The following NIPBL variants were observed in gnomAD, a reference collection of about 807,000 sequenced individuals.
NIPBL encodes nipped-B-like protein.
A neutral mutation model predicts 321.8 loss-of-function variants in NIPBL; 19 were observed. The ratio of observed to expected loss-of-function variants is 0.06; its 90% CI spans 0.04 to 0.09. The LOEUF (loss-of-function observed/expected upper bound fraction) is 0.09, where lower values mean the gene tolerates loss of function less well. NIPBL is among the 10% of genes least tolerant of loss of function. The pLI, the probability that NIPBL is intolerant of heterozygous loss-of-function variation, is 1.00. For missense variants in NIPBL, 2,210 were observed against 3,327.0 expected (o/e 0.66, Z 8.26); for synonymous variants, 1,106 against 1,114.1 (o/e 0.99, Z 0.14).
At chr5:36,940,536 C>T (rs960878174) in intron 1 of NIPBL, among the ~76,000 whole-genome samples, 2 of 152,240 alleles carry the variant, frequency 1.3e-5, no homozygotes, top group African/African-American at 4.8e-5. Flanking sequence ...TTTCTTCTTC[C>T]GCCTTTGCCT....
At chr5:36,968,077 C>T (rs1170332131) in intron 6 of NIPBL, among the ~76,000 whole-genome samples, 1 of 118,190 alleles carries the variant, frequency 8.5e-6, no homozygotes, top group Non-Finnish European at 1.6e-5. Flanking sequence ...GCCTGGACAA[C>T]AGAGTGAGAC....
At position 37,018,608 on chromosome 5, in the gene NIPBL, A is replaced by G. The variant is rs529920872; in HGVS notation, c.4921-703A>G. Reference sequence around the variant, plus strand: ...ATCTAGTTACTGGATGACTTTCTGTATTTCTTAAAGTGGGCCTGGAACCTC... The same window carrying G: ...ATCTAGTTACTGGATGACTTTCTGTGTTTCTTAAAGTGGGCCTGGAACCTC... On this transcript the variant is annotated intron_variant, in intron 24 of 46. Coordinates refer to ENST00000282516, the MANE Select transcript of NIPBL (RefSeq NM_133433.4). 5.3e-5 allele frequency among the ~76,000 whole-genome samples: 8 copies of G among 152,180 alleles called. No individual in the cohort carries two copies. In the East Asian group the frequency reaches 1.5e-3, roughly 29 times the overall value.
At chr5:36,953,524 A>G (rs1227845569) in intron 1 of NIPBL, 94 bp from the exon 2 acceptor site, 1 of 639,536 alleles carries the variant, frequency 1.6e-6, no homozygotes, top group Non-Finnish European at 2.8e-6. Flanking sequence ...AACAAACCAA[A>G]GCAGTAACTT....
intron 1 of NIPBL, among the ~76,000 whole-genome samples, chr5:36,946,997 T>C (rs2149589432): frequency 6.6e-6 from 1 of 152,256 alleles, no homozygotes; most frequent in Non-Finnish European, 1.5e-5. Flanking sequence ...GCTGCCTGTT[T>C]AGCTGTAGAG....
intron 1 of NIPBL, among the ~76,000 whole-genome samples, chr5:36,924,250 T>A (rs1662589871): frequency 6.6e-6 from 1 of 152,208 alleles, no homozygotes; most frequent in African/African-American, 2.4e-5. Context: ...TAAATATAAC[T>A]GTTTAATAAA....
At chr5:37,005,928 CTAAG>C (rs1167475353) in intron 16 of NIPBL, among the ~76,000 whole-genome samples, 3 of 152,068 alleles carry the variant, frequency 2.0e-5, no homozygotes, top group South Asian at 2.1e-4. Flanking sequence ...AATTTTAGTA[CTAAG>C]TAAGATTTTA....
chr5:37,060,929 A>G lies in NIPBL; in HGVS notation c.7771A>G (p.Lys2591Glu). The G allele has an allele frequency of 6.2e-7, 1 of 1,614,156 alleles. No homozygotes were observed. Among genetic ancestry groups the G allele is most frequent in the Non-Finnish European group, 8.5e-7 (1 of 1,179,996 alleles). ...AAAAACAGGAGTTCATTTTCATCCA[A>G]AACAAACACTGGACTTCCTGCGGAG... ...NRKTGVHFHP[K>E]QTLDFLRSDM... The change falls in exon 45 of 47, where the codon AAA (lysine) becomes GAA (glutamate). Residue 2591 changes from lysine (K) to glutamate (E), a missense_variant. By Grantham distance (56) the Lys-to-Glu change is moderately conservative. Transcript: ENST00000282516.
rs1428740015 is a variant in NIPBL at position 36,976,008 on chromosome 5, T to G, written c.1101T>G (p.Ser367=). ...KLTLRLSRVR[S]SDMDQQEDMI... is the part of the protein sequence containing the mutation. The stretch of plus-strand genomic sequence containing the variant: ...CATTAAGACTTTCTCGTGTAAGGTC[T>G]TCAGACATGGACCAGCAAGAGGATA... Residue 367 remains serine, a synonymous_variant, in exon 9 of 47, where the codon TCT becomes TCG. Transcript: ENST00000282516. The G allele has an allele frequency of 6.2e-7, 1 of 1,614,094 alleles. No homozygotes were observed. The highest frequency in any genetic ancestry group is 1.7e-5 in the Admixed American group (1 of 59,994).
intron 16 of NIPBL, among the ~76,000 whole-genome samples, chr5:37,004,855 C>T (rs1019218607): frequency 2.0e-5 from 3 of 152,066 alleles, no homozygotes; most frequent in South Asian, 2.1e-4. Flanking sequence ...CTCATGTATA[C>T]GTATGTAGTA....
intron 36 of NIPBL, 68 bp from the exon 37 acceptor site, chr5:37,045,375 G>T: frequency 8.2e-7 from 1 of 1,222,902 alleles, no homozygotes; most frequent in Non-Finnish European, 1.2e-6. Context: ...TAATTCATTA[G>T]TAGTAATTAC....
At chr5:36,928,394 C>T (rs1749524662) in intron 1 of NIPBL, among the ~76,000 whole-genome samples, 1 of 152,126 alleles carries the variant, frequency 6.6e-6, no homozygotes, top group South Asian at 2.1e-4. Flanking sequence ...TTTGTTTTTG[C>T]ATTCCCAGAA....
chr5:37,013,014 G>A (rs768720367), intron 21 of NIPBL, among the ~76,000 whole-genome samples: 1 of 152,156 alleles, frequency 6.6e-6, no homozygotes, highest in Non-Finnish European at 1.5e-5. Flanking sequence ...GCCGGGCAGA[G>A]GCGCCCCTCA....
intron 1 of NIPBL, among the ~76,000 whole-genome samples, chr5:36,931,223 T>A (rs909438887): frequency 4.6e-5 from 7 of 152,152 alleles, no homozygotes; most frequent in Non-Finnish European, 1.0e-4. Context: ...TCTTGTTGAG[T>A]CTGTTCTGGT....
Position 36,921,051 on chromosome 5 carries a change from C to T in NIPBL, c.-79-32567C>T, listed in dbSNP as rs111714825. On this transcript the variant is annotated intron_variant, in intron 1 of 46. Coordinates refer to ENST00000282516, the MANE Select transcript of NIPBL (RefSeq NM_133433.4). ...AAAAAACTTCAGATTACCTTATTCT[C>T]TCCTCAATACCAAATAATATACTCT... Among the ~76,000 whole-genome samples, 40 of 152,160 alleles carry T rather than the reference C, an allele frequency of 2.6e-4. 1 individual carries two copies. Among genetic ancestry groups the T allele is most frequent in the African/African-American group, 9.6e-4 (40 of 41,542 alleles).
chr5:36,970,849 AC>A, intron 6 of NIPBL, 26 bp from the exon 7 acceptor site: 1 of 1,594,962 alleles, frequency 6.3e-7, no homozygotes, highest in African/African-American at 1.3e-5. Context: ...CTTTTATTAA[AC>A]CTTTTTTTAT....
rs2303160 is a variant in NIPBL, at chr5:37,057,039, C to G, written c.7264-147C>G. 114 of 734,612 alleles carry G rather than the reference C, an allele frequency of 1.6e-4. No homozygotes were observed. The East Asian group carries it at 2.9e-3, about 19-fold the overall frequency. The allele number at this position is 734,612 out of a possible 1,614,324, so 45.5% of individuals were successfully genotyped here. On this transcript the variant is annotated intron_variant, in intron 42 of 46. Coordinates refer to ENST00000282516, the MANE Select transcript of NIPBL (RefSeq NM_133433.4). ...CTCCTCTCCCTCTGTCTCTCTGTGT[C>G]TCTCCCCACTCTCTCCGTGTGTGTC...
chr5:36,985,246 A>C lies in NIPBL; in HGVS notation c.2066A>C (p.Asn689Thr), dbSNP rs766835753. The change falls in exon 10 of 47, where the codon AAT (asparagine) becomes ACT (threonine). Residue 689 changes from asparagine (N) to threonine (T), a missense_variant. Physicochemically the swap from Asn to Thr is moderately conservative, Grantham distance 65. Around this residue, in one of 14 missense-constraint regions of NIPBL, gnomAD observed 588 missense variants for 564.1 expected, o/e 1.04. Coordinates refer to ENST00000282516, the MANE Select transcript of NIPBL (RefSeq NM_133433.4). The part of the protein sequence containing the change: ...SDTKPNDNKQ[N>T]NGRSETTKSR... ...ACAAAACCAAATGACAACAAACAAA[A>C]TAATGGCAGATCAGAAACAACAAAA... The C allele has an allele frequency of 6.2e-6, 10 of 1,613,718 alleles. No homozygotes were observed. Among genetic ancestry groups the C allele is most frequent in the Non-Finnish European group, 8.5e-6 (10 of 1,179,962 alleles).
chr5:36,895,138 A>C (rs1322308098), intron 1 of NIPBL, among the ~76,000 whole-genome samples: 1 of 152,162 alleles, frequency 6.6e-6, no homozygotes, highest in South Asian at 2.1e-4. Flanking sequence ...CCACGTTTCC[A>C]TTAGTGGTCA....
At chr5:36,971,119 T>G in intron 7 of NIPBL, 83 bp downstream of exon 7, 1 of 1,093,868 alleles carries the variant, frequency 9.1e-7, no homozygotes, top group African/African-American at 1.6e-5. Flanking sequence ...AAAATTTGAA[T>G]GATACCTACC....
Sources: gnomAD v4.1 joint callset for allele counts (sites outside exome capture counted in the v4.1 genomes callset) on GRCh38, gnomAD v4.1.1 for gene constraint, gnomAD v4.1.1 regional missense constraint, MANE v1.5 for transcripts, NCBI Gene and HGNC (gene_info 2026-07-23, HGNC 2026-07-21) for gene names.